UBE2V2: variants seen among roughly 807,000 people sequenced by gnomAD.
UBE2V2 encodes ubiquitin-conjugating enzyme E2 variant 2.
In UBE2V2, 9 loss-of-function variants were observed where a neutral mutation model predicts 17.2. The observed-to-expected ratio is 0.52, with a 90% confidence interval of 0.32 to 0.91. The LOEUF (loss-of-function observed/expected upper bound fraction) is 0.91. Among genes scored for constraint, UBE2V2 ranks in the 40% least tolerant of loss-of-function variants. UBE2V2 has a pLI of 0.04. For synonymous variants in UBE2V2, 61 were observed against 57.5 expected (o/e 1.06, Z -0.28); for missense variants, 133 against 182.6 (o/e 0.73, Z 1.56).
intron 3 of UBE2V2, among the ~76,000 whole-genome samples, chr8:48,053,096 CA>C (rs2091549637): frequency 6.6e-6 from 1 of 152,040 alleles, no homozygotes; most frequent in Non-Finnish European, 1.5e-5. Flanking sequence ...GGGGGTTTGC[CA>C]TGTTGGCCAG....
At chr8:48,025,488 G>T (rs2091337147) in intron 1 of UBE2V2, among the ~76,000 whole-genome samples, 2 of 150,902 alleles carry the variant, frequency 1.3e-5, no homozygotes, top group South Asian at 4.2e-4. Context: ...ATATTGACCA[G>T]GCTGGTCTTG....
chr8:48,041,267 A>G (rs1262304630), intron 1 of UBE2V2, among the ~76,000 whole-genome samples: 1 of 151,104 alleles, frequency 6.6e-6, no homozygotes, highest in Admixed American at 6.6e-5. Flanking sequence ...CGCCTCTGGA[A>G]CATTAAATGT....
At chr8:48,020,020 C>A (rs1204457904) in intron 1 of UBE2V2, among the ~76,000 whole-genome samples, 1 of 151,212 alleles carries the variant, frequency 6.6e-6, no homozygotes, top group African/African-American at 2.4e-5. Flanking sequence ...TGAAGCAATT[C>A]TTGGGCTTTC....
intron 1 of UBE2V2, among the ~76,000 whole-genome samples, chr8:48,030,459 G>C (rs777352300): frequency 6.6e-6 from 1 of 152,180 alleles, no homozygotes; most frequent in East Asian, 1.9e-4. Flanking sequence ...AGTGGCTCAC[G>C]CTTCTAATCC....
chr8:47,999,358 T>TC, the UBE2V2 span, among the ~76,000 whole-genome samples: 5 of 150,426 alleles, frequency 3.3e-5, no homozygotes, highest in East Asian at 5.8e-4. Flanking sequence ...TAATTAGACT[T>TC]CCCCTTTTTT....
chr8:48,011,324 C>A (rs1048845481), intron 1 of UBE2V2, among the ~76,000 whole-genome samples: 1 of 152,002 alleles, frequency 6.6e-6, no homozygotes, highest in East Asian at 1.9e-4. Flanking sequence ...TGCACCACCA[C>A]GCCCAGCTAA....
At chr8:48,008,064 G>A (rs1026188539), upstream of UBE2V2, among the ~76,000 whole-genome samples, 3 of 152,078 alleles carry the variant, frequency 2.0e-5, no homozygotes, top group African/African-American at 7.2e-5. Context: ...TGGGATTACA[G>A]GCGCGCGCCA....
chr8:48,026,883 G>A (rs1385410661), intron 1 of UBE2V2, among the ~76,000 whole-genome samples: 2 of 152,148 alleles, frequency 1.3e-5, no homozygotes, highest in African/African-American at 4.8e-5. Context: ...TTATGTACAC[G>A]TTCCACCCCC....
intron 1 of UBE2V2, among the ~76,000 whole-genome samples, chr8:48,017,362 T>C (rs950840341): frequency 6.6e-6 from 1 of 152,000 alleles, no homozygotes; most frequent in African/African-American, 2.4e-5. Flanking sequence ...TGAACCATTC[T>C]GTATGTTCTC....
intron 2 of UBE2V2, among the ~76,000 whole-genome samples, chr8:48,046,261 G>C (rs533714728): frequency 6.6e-6 from 1 of 152,256 alleles, no homozygotes; most frequent in Admixed American, 6.5e-5. Flanking sequence ...TGGGACTACA[G>C]GGGCCTGTCA....
upstream of UBE2V2, among the ~76,000 whole-genome samples, chr8:48,008,169 G>T (rs1395514228): frequency 6.6e-6 from 1 of 152,110 alleles, no homozygotes; most frequent in South Asian, 2.1e-4. Context: ...TGATCCGATC[G>T]CCTCGGCCTC....
intron 3 of UBE2V2, chr8:48,050,435 T>C (rs1343282157): frequency 6.6e-6 from 1 of 152,328 alleles, no homozygotes; most frequent in African/African-American, 2.4e-5. Flanking sequence ...GGTTTCACAA[T>C]GGCCAGGCTG....
chr8:48,018,831 T>A (rs2091285928), intron 1 of UBE2V2, among the ~76,000 whole-genome samples: 1 of 152,220 alleles, frequency 6.6e-6, no homozygotes, highest in African/African-American at 2.4e-5. Context: ...GGTGCTTTGA[T>A]GTTGGGTGCA....
At chr8:48,025,068 G>A (rs1193461955) in intron 1 of UBE2V2, among the ~76,000 whole-genome samples, 2 of 151,738 alleles carry the variant, frequency 1.3e-5, no homozygotes, top group African/African-American at 4.8e-5. Context: ...CCGAGTAGCT[G>A]GAACTACAGG....
At chr8:48,042,349 T>C (rs959780787) in intron 1 of UBE2V2, 6 of 152,152 alleles carry the variant, frequency 3.9e-5, no homozygotes, top group African/African-American at 1.4e-4. Context: ...AAGAAACTCA[T>C]ATAAAATGAT....
rs1802625376 is a variant in UBE2V2 at position 48,063,604 on chromosome 8, G to T, written c.*2776G>T. The T allele has an allele frequency of 6.6e-6, 1 of 152,114 alleles. No homozygotes were observed. The highest frequency in any genetic ancestry group is 1.5e-5 in the Non-Finnish European group (1 of 68,016). The allele number at this position is 152,114 out of a possible 1,614,324, so 9.4% of individuals were successfully genotyped here. On this transcript the variant is annotated 3_prime_UTR_variant, in exon 4 of 4. Coordinates refer to ENST00000523111, the MANE Select transcript of UBE2V2 (RefSeq NM_003350.3). ...GTTTTAATTACTTAACCAATTTTAA[G>T]AATTGACAATTTTTAAAAATATTTT...
At chr8:48,045,970 G>C (rs1199342298) in intron 2 of UBE2V2, among the ~76,000 whole-genome samples, 1 of 152,114 alleles carries the variant, frequency 6.6e-6, no homozygotes, top group Non-Finnish European at 1.5e-5. Flanking sequence ...TTTTGAGACA[G>C]AGTTTGGCTC....
the UBE2V2 span, among the ~76,000 whole-genome samples, chr8:48,000,932 G>A: frequency 3.3e-5 from 5 of 151,672 alleles, no homozygotes; most frequent in African/African-American, 1.2e-4. Context: ...AGGACCAGGT[G>A]TTTCTCTGTA....
At chr8:48,008,590 C>G in intron 1 of UBE2V2, 120 bp downstream of exon 1, 1 of 1,390,274 alleles carries the variant, frequency 7.2e-7, no homozygotes. Context: ...TCTCGAATGC[C>G]GCGCTCTCCG....
Sources: gnomAD v4.1 joint callset for allele counts (sites outside exome capture counted in the v4.1 genomes callset) on GRCh38, gnomAD v4.1.1 for gene constraint, MANE v1.5 for transcripts, NCBI Gene and HGNC (gene_info 2026-07-23, HGNC 2026-07-21) for gene names.